The following CNBD1 variants were observed in gnomAD, a reference collection of about 807,000 sequenced individuals.
CNBD1 encodes the protein cyclic nucleotide binding domain containing 1, also known as cyclic nucleotide-binding domain-containing protein 1.
Under a neutral mutation model 54.4 loss-of-function variants are expected in CNBD1, and 71 were observed. The ratio of observed to expected loss-of-function variants is 1.30; its 90% confidence interval spans 1.08 to 1.59. The LOEUF (loss-of-function observed/expected upper bound fraction) is 1.59. Among genes scored for constraint, CNBD1 ranks in the 40% most tolerant of loss-of-function variants. The pLI is 0.00. For missense variants in CNBD1, 659 were observed against 518.0 expected (o/e 1.27, Z -2.64); for synonymous variants, 182 against 170.7 (o/e 1.07, Z -0.51).
At chr8:87,382,395 A>G (rs1171992246) in intron 10 of CNBD1, among the ~76,000 whole-genome samples, 1 of 152,028 alleles carries the variant, frequency 6.6e-6, no homozygotes, top group Non-Finnish European at 1.5e-5. Flanking sequence ...CCATATAATT[A>G]TAGAATTTTC....
chr8:87,341,414 G>T (rs967787990), intron 8 of CNBD1, among the ~76,000 whole-genome samples: 42 of 152,132 alleles, frequency 2.8e-4, no homozygotes, highest in Non-Finnish European at 3.4e-4. Flanking sequence ...GGGGGAAACT[G>T]GTTGCTGGGA....
chr8:87,274,017 G>C (rs916940671), intron 6 of CNBD1, among the ~76,000 whole-genome samples: 4 of 148,910 alleles, frequency 2.7e-5, no homozygotes. Context: ...GAGAATATGC[G>C]GTGTTTGGTT....
intron 4 of CNBD1, among the ~76,000 whole-genome samples, chr8:87,027,697 A>G (rs1460197030): frequency 6.6e-6 from 1 of 152,246 alleles, no homozygotes; most frequent in African/African-American, 2.4e-5. Context: ...GTATAGCAAC[A>G]TAAAAGCCTA....
At chr8:87,333,444 T>C (rs1482114877) in intron 8 of CNBD1, among the ~76,000 whole-genome samples, 1 of 152,190 alleles carries the variant, frequency 6.6e-6, no homozygotes, top group Non-Finnish European at 1.5e-5. Flanking sequence ...GGCATCCCTG[T>C]CTTGTGCCAG....
chr8:87,385,491 G>T (rs1365023128), downstream of CNBD1, among the ~76,000 whole-genome samples: 3 of 152,074 alleles, frequency 2.0e-5, no homozygotes, highest in Non-Finnish European at 2.9e-5. Flanking sequence ...GTCTCGGAGG[G>T]TCCTACGCCC....
Position 87,185,842 on chromosome 8 carries a change from T to G in CNBD1, c.432-20151T>G, listed in dbSNP as rs186411051. 7.3e-3 allele frequency among the ~76,000 whole-genome samples: 1,105 copies of G among 152,278 alleles called. 23 individuals are homozygous for G. The highest frequency in any genetic ancestry group is 0.025 in the African/African-American group (1,044 of 41,582). ...CTCTACAATAATTTTCTCTGGGAAC[T>G]CTGACCCACGTAAGTTCCTTTGACT... On this transcript the variant is annotated intron_variant, in intron 4 of 10. Transcript: ENST00000518476.
chr8:87,156,175 A>G (rs1812729897), intron 4 of CNBD1, among the ~76,000 whole-genome samples: 1 of 150,952 alleles, frequency 6.6e-6, no homozygotes, highest in African/African-American at 2.4e-5. Context: ...GATGTGAAAT[A>G]GAAGCTGAAG....
intron 4 of CNBD1, among the ~76,000 whole-genome samples, chr8:86,993,659 CTGTA>C (rs1808802386): frequency 6.6e-6 from 1 of 152,136 alleles, no homozygotes; most frequent in African/African-American, 2.4e-5. Flanking sequence ...GGACAAGGCT[CTGTA>C]TGGGATCTTT....
intron 8 of CNBD1, among the ~76,000 whole-genome samples, chr8:87,339,671 AT>A (rs1253441976): frequency 9.9e-5 from 15 of 151,846 alleles, no homozygotes; most frequent in Admixed American, 9.8e-4. Flanking sequence ...TCTTTTCTGT[AT>A]TTTTAATATA....
Position 86,911,146 on chromosome 8 carries a change from C to G in CNBD1, c.272+5952C>G, listed in dbSNP as rs567847430. On this transcript the variant is annotated intron_variant, in intron 3 of 10. Coordinates refer to ENST00000518476, the MANE Select transcript of CNBD1 (RefSeq NM_173538.3). The stretch of plus-strand genomic sequence containing the variant: ...GATGGAGCCTCCATGTTGAACATAC[C>G]TGGTTTCCAGGTAGCCCTTTTCTAT... 3.7e-3 allele frequency among the ~76,000 whole-genome samples: 567 copies of G among 152,312 alleles called. 2 individuals are homozygous for G. Among genetic ancestry groups the G allele is most frequent in the African/African-American group, 0.012 (510 of 41,570 alleles).
At chr8:87,138,281 A>C (rs529968464) in intron 4 of CNBD1, among the ~76,000 whole-genome samples, 1 of 152,172 alleles carries the variant, frequency 6.6e-6, no homozygotes, top group South Asian at 2.1e-4. Flanking sequence ...GTGCAGTACA[A>C]TTTGAGAACT....
At chr8:87,390,061 C>T (rs78739633) in intron 2 of CNBD1, among the ~76,000 whole-genome samples, 54,824 of 147,510 alleles carry the variant, frequency 0.37, 10,521 homozygotes, top group Middle Eastern at 0.45. Flanking sequence ...AAAGCTGAAA[C>T]TGGATCCCTT....
chr8:87,284,579 T>A, intron 6 of CNBD1, 99 bp from the exon 7 acceptor site: 2 of 1,061,190 alleles, frequency 1.9e-6, no homozygotes, highest in Non-Finnish European at 2.6e-6. Context: ...AACCCCCTCT[T>A]TCATAGAATG....
chr8:87,414,902 G>A (rs1219758331), intron 2 of CNBD1, among the ~76,000 whole-genome samples: 4 of 152,046 alleles, frequency 2.6e-5, no homozygotes, highest in Admixed American at 2.6e-4. Context: ...TTCACAGGCA[G>A]GATTTCCTTA....
Position 86,986,086 on chromosome 8 carries a change from C to T in CNBD1, c.431+46332C>T, listed in dbSNP as rs150680767. Among the ~76,000 whole-genome samples the T allele has an allele frequency of 1.5e-3, 222 of 152,008 alleles. 1 individual carries two copies. Among genetic ancestry groups the T allele is most frequent in the African/African-American group, 5.1e-3 (213 of 41,480 alleles). ...CCTGAGATTACAGTGCACACCATCA[C>T]GTCCATCTAATTTTCCTATTTTTAG... On this transcript the variant is annotated intron_variant, in intron 4 of 10. Transcript: ENST00000518476.
intron 6 of CNBD1, among the ~76,000 whole-genome samples, chr8:87,275,318 A>G (rs1425338353): frequency 1.3e-5 from 2 of 150,422 alleles, no homozygotes; most frequent in Admixed American, 6.6e-5. Context: ...GAAGAAAGTC[A>G]TTGGTGGCTT....
chr8:87,240,098 A>T (rs1393648944), intron 6 of CNBD1, among the ~76,000 whole-genome samples: 1 of 151,738 alleles, frequency 6.6e-6, no homozygotes, highest in Non-Finnish European at 1.5e-5. Flanking sequence ...ACACACACAC[A>T]CACACAGACA....
intron 8 of CNBD1, among the ~76,000 whole-genome samples, chr8:87,327,910 G>C (rs940868285): frequency 1.3e-5 from 2 of 151,626 alleles, no homozygotes; most frequent in African/African-American, 4.8e-5. Flanking sequence ...GTTGATTTTT[G>C]TGTATTGTGT....
intron 6 of CNBD1, among the ~76,000 whole-genome samples, chr8:87,277,991 G>A (rs7815565): frequency 0.28 from 42,629 of 151,218 alleles, 6,452 homozygotes; most frequent in African/African-American, 0.39. Context: ...CTAGAATTGT[G>A]AACAATAAAT....
Sources: gnomAD v4.1 joint callset for allele counts (sites outside exome capture counted in the v4.1 genomes callset) on GRCh38, gnomAD v4.1.1 for gene constraint, MANE v1.5 for transcripts, NCBI Gene and HGNC (gene_info 2026-07-23, HGNC 2026-07-21) for gene names.